The following RWDD1 variants were observed in gnomAD, a reference collection of about 807,000 sequenced individuals.
The protein encoded by RWDD1 is RWD domain containing 1.
RWDD1 carries 17 observed loss-of-function variants against 31.6 expected under a neutral mutation model. That is an observed-to-expected ratio of 0.54 (90% CI 0.37 to 0.81). The LOEUF (loss-of-function observed/expected upper bound fraction) is 0.81. Ranked by LOEUF, RWDD1 falls within the 30% of genes least tolerant of loss-of-function variation. The probability of loss-of-function intolerance (pLI) is 0.00; values close to 1 mark genes in which losing one functional copy is unlikely to be tolerated. For synonymous variants in RWDD1, 78 were observed against 94.2 expected, an observed-to-expected ratio of 0.83 and a Z score of 0.99; for missense variants, 204 against 274.5, an observed-to-expected ratio of 0.74 and a Z score of 1.82.
At chr6:116,571,738 G>T in intron 1 of RWDD1, 83 bp downstream of exon 1, 1 of 1,307,188 alleles carries the variant, frequency 7.7e-7, no homozygotes, top group South Asian at 1.4e-5. Context: ...GGCCTCATAG[G>T]TTGGGGTGGA....
chr6:116,588,811 T>C (rs2115334679), intron 3 of RWDD1, 31 bp from the exon 4 acceptor site: 2 of 1,488,584 alleles, frequency 1.3e-6, no homozygotes, highest in Non-Finnish European at 1.8e-6. Flanking sequence ...TTTCTGAGAG[T>C]TATTCCTCAT....
At chr6:116,575,444 A>T (rs1315965682) in intron 1 of RWDD1, among the ~76,000 whole-genome samples, 1 of 152,190 alleles carries the variant, frequency 6.6e-6, no homozygotes, top group African/African-American at 2.4e-5. Context: ...AGTGAAGACT[A>T]ATCTTTCTTC....
At chr6:116,577,189 T>C (rs1774861943) in intron 1 of RWDD1, among the ~76,000 whole-genome samples, 1 of 152,212 alleles carries the variant, frequency 6.6e-6, no homozygotes, top group Non-Finnish European at 1.5e-5. Flanking sequence ...AACAATGTGA[T>C]AAAATCTGCT....
intron 1 of RWDD1, among the ~76,000 whole-genome samples, chr6:116,573,657 T>C (rs1354411371): frequency 1.3e-5 from 2 of 152,208 alleles, no homozygotes; most frequent in Non-Finnish European, 2.9e-5. Flanking sequence ...CTTTTGTATT[T>C]ATGATTCCAT....
At chr6:116,575,061 C>T (rs1407675225) in intron 1 of RWDD1, among the ~76,000 whole-genome samples, 1 of 151,924 alleles carries the variant, frequency 6.6e-6, no homozygotes, top group South Asian at 2.1e-4. Context: ...TGAGCCATTG[C>T]ACCTGGCCCA....
intron 1 of RWDD1, among the ~76,000 whole-genome samples, chr6:116,571,924 T>C (rs145417011): frequency 2.2e-3 from 338 of 152,234 alleles, no homozygotes; most frequent in African/African-American, 7.9e-3. Flanking sequence ...CTTTGGTTTC[T>C]GTGTAACCTA....
At chr6:116,571,725 C>G (rs901521478) in intron 1 of RWDD1, 70 bp downstream of exon 1, 3 of 1,441,262 alleles carry the variant, frequency 2.1e-6, no homozygotes, top group South Asian at 2.4e-5. Context: ...TGCCGCAGCT[C>G]TGGGCCTCAT....
intron 4 of RWDD1, 113 bp downstream of exon 4, chr6:116,589,098 A>G (rs1775094196): frequency 5.5e-6 from 5 of 915,936 alleles, no homozygotes; most frequent in Non-Finnish European, 7.0e-6. Context: ...ACAAAAATAA[A>G]TAAAAGTAAA....
At chr6:116,592,726 A>G (rs1191424023) in intron 6 of RWDD1, among the ~76,000 whole-genome samples, 2 of 152,228 alleles carry the variant, frequency 1.3e-5, no homozygotes, top group Non-Finnish European at 2.9e-5. Flanking sequence ...ATGCTACATT[A>G]TAAATTCTAG....
intron 3 of RWDD1, among the ~76,000 whole-genome samples, chr6:116,585,952 C>G (rs1386523495): frequency 6.6e-6 from 1 of 152,074 alleles, no homozygotes; most frequent in Non-Finnish European, 1.5e-5. Context: ...AACTACCTTG[C>G]CCAGCTCTTC....
chr6:116,587,991 G>A (rs945284210), intron 3 of RWDD1, among the ~76,000 whole-genome samples: 4 of 152,120 alleles, frequency 2.6e-5, no homozygotes, highest in African/African-American at 9.7e-5. Context: ...TGTGTGTTGA[G>A]ATGACTGTGG....
intron 4 of RWDD1, among the ~76,000 whole-genome samples, chr6:116,589,754 T>C (rs1775105174): frequency 6.6e-6 from 1 of 152,116 alleles, no homozygotes; most frequent in African/African-American, 2.4e-5. Flanking sequence ...ACTTCTTACA[T>C]GGCAGCGGCA....
intron 3 of RWDD1, among the ~76,000 whole-genome samples, chr6:116,587,586 GT>G (rs754904944): frequency 1.9e-3 from 284 of 152,200 alleles, no homozygotes; most frequent in Non-Finnish European, 3.6e-3. Flanking sequence ...CTATGAAGGG[GT>G]TTTAAGCAAG....
At position 116,588,831 on chromosome 6, in the gene RWDD1, G is replaced by A. The variant is rs754310939; in HGVS notation, c.271-11G>A. 3 of 1,519,084 alleles carry A rather than the reference G, an allele frequency of 2.0e-6. No homozygotes were observed. The South Asian group carries it at 4.1e-5, about 21-fold the overall frequency. 94.1% of individuals were successfully genotyped at this position (1,519,084 alleles called of 1,614,324 possible). A position where few individuals can be genotyped will look rare whatever the true frequency, so the allele number is the denominator to read the frequency against. ...GAGAGTTATTCCTCATCACCTTTTT[G>A]TGTTACACAGGCTGAAGAAAATCTT... is the stretch of plus-strand genomic sequence containing the variant. On this transcript the variant is annotated splice_polypyrimidine_tract_variant and intron_variant, in intron 3 of 6. Coordinates refer to ENST00000466444, the MANE Select transcript of RWDD1 (RefSeq NM_015952.4).
At chr6:116,578,045 T>C (rs1337321891) in intron 1 of RWDD1, among the ~76,000 whole-genome samples, 1 of 152,142 alleles carries the variant, frequency 6.6e-6, no homozygotes, top group Non-Finnish European at 1.5e-5. Context: ...TCAAATGACT[T>C]TCTTGGAATT....
At chr6:116,573,064 G>A (rs1774773816) in intron 1 of RWDD1, 1 of 889,404 alleles carries the variant, frequency 1.1e-6, no homozygotes, top group Admixed American at 6.2e-5. Flanking sequence ...AGGGTCAGTT[G>A]TTGGATATAT....
At chr6:116,573,050 A>ATATAGGG in intron 1 of RWDD1, 1 of 937,418 alleles carries the variant, frequency 1.1e-6, no homozygotes, top group Non-Finnish European at 1.3e-6. Flanking sequence ...CTAAAATAGA[A>ATATAGGG]TATAGGGTCA....
intron 1 of RWDD1, among the ~76,000 whole-genome samples, chr6:116,578,936 C>T (rs1056841826): frequency 2.0e-5 from 3 of 152,030 alleles, no homozygotes; most frequent in Non-Finnish European, 4.4e-5. Context: ...AGTGCAGTGG[C>T]GCAATCTTGG....
intron 6 of RWDD1, 105 bp downstream of exon 6, chr6:116,591,055 G>A (rs980816212): frequency 7.9e-6 from 11 of 1,396,550 alleles, no homozygotes; most frequent in Middle Eastern, 2.7e-4. Flanking sequence ...GAGCCCAGGA[G>A]TTTGAGACCA....
Sources: allele counts gnomAD v4.1 joint callset (sites outside exome capture counted in the v4.1 genomes callset), GRCh38; gene constraint gnomAD v4.1.1; transcripts MANE v1.5; gene names NCBI Gene and HGNC (gene_info 2026-07-23, HGNC 2026-07-21).